Variants in CCDC91 observed in about 807,000 individuals in gnomAD.
CCDC91 encodes coiled-coil domain-containing protein 91.
A neutral mutation model predicts 63.2 loss-of-function variants in CCDC91; 48 were observed. That is an observed-to-expected ratio of 0.76 (90% CI 0.60 to 0.97). The LOEUF is 0.97. Ranked by LOEUF, CCDC91 falls within the 50% of genes least tolerant of loss-of-function variation. CCDC91 has a pLI of 0.00. For synonymous variants in CCDC91, 167 were observed against 165.8 expected (o/e 1.01, Z -0.06); for missense variants, 500 against 494.6 (o/e 1.01, Z -0.10).
At chr12:28,296,675 G>A (rs1380278931) in intron 3 of CCDC91, among the ~76,000 whole-genome samples, 2 of 151,712 alleles carry the variant, frequency 1.3e-5, no homozygotes, top group African/African-American at 4.8e-5. Context: ...GTCATTTCCT[G>A]TGAGTAACCC....
At chr12:28,375,141 T>A (rs570698362) in intron 7 of CCDC91, among the ~76,000 whole-genome samples, 10 of 150,534 alleles carry the variant, frequency 6.6e-5, no homozygotes, top group African/African-American at 1.4e-4. Flanking sequence ...TTTTTTTTTT[T>A]AAACTATTTT....
rs556829722 is a variant in CCDC91, at chr12:28,307,589, A to T, written c.472-56A>T. 4.4e-6 allele frequency: 4 copies of T among 914,394 alleles called. No homozygotes were observed. The Admixed American group carries it at 1.1e-4, about 24-fold the overall frequency. 56.6% of individuals were successfully genotyped at this position (914,394 alleles called of 1,614,324 possible). On this transcript the variant is annotated intron_variant, in intron 5 of 12. Coordinates refer to ENST00000536442, the MANE Select transcript of CCDC91 (RefSeq NM_018318.5). ...TTCTGACATGTTCATTGAAAAAACT[A>T]ATTATATTTTATGCCATTAAATATT... is the stretch of plus-strand genomic sequence containing the variant.
intron 6 of CCDC91, among the ~76,000 whole-genome samples, chr12:28,327,558 A>G (rs769961749): frequency 5.3e-5 from 8 of 152,150 alleles, no homozygotes; most frequent in Admixed American, 3.3e-4. Flanking sequence ...CTAGCAGTCT[A>G]TAAAAGCCCA....
At chr12:28,476,979 T>C (rs1283735744) in intron 11 of CCDC91, among the ~76,000 whole-genome samples, 2 of 151,932 alleles carry the variant, frequency 1.3e-5, no homozygotes, top group African/African-American at 2.4e-5. Context: ...CAATAATAAT[T>C]AATAGCTTAC....
At chr12:28,492,410 T>C (rs1952062221) in intron 12 of CCDC91, among the ~76,000 whole-genome samples, 1 of 151,734 alleles carries the variant, frequency 6.6e-6, no homozygotes, top group Non-Finnish European at 1.5e-5. Context: ...TAATCTATAA[T>C]CACTTGCATG....
chr12:28,543,365 C>T (rs1942767440), intron 12 of CCDC91, among the ~76,000 whole-genome samples: 1 of 152,056 alleles, frequency 6.6e-6, no homozygotes. Flanking sequence ...CATGTGCTAG[C>T]AAGCTTGTGC....
chr12:28,484,261 C>T (rs1028564088), intron 12 of CCDC91, 96 bp downstream of exon 12: 8 of 577,184 alleles, frequency 1.4e-5, no homozygotes, highest in Middle Eastern at 9.5e-4. Context: ...TTAAAATGTC[C>T]TGTGTCATCT....
intron 3 of CCDC91, among the ~76,000 whole-genome samples, chr12:28,265,837 G>A (rs896896590): frequency 2.0e-5 from 3 of 152,046 alleles, no homozygotes; most frequent in African/African-American, 7.2e-5. Context: ...AGTCACATAT[G>A]TGCATTATGG....
At chr12:28,259,545 A>T in intron 3 of CCDC91, 103 bp downstream of exon 3, 3 of 695,382 alleles carry the variant, frequency 4.3e-6, no homozygotes, top group Admixed American at 2.7e-5. Context: ...CTTGTCCTTC[A>T]CTGATCTGAA....
intron 11 of CCDC91, among the ~76,000 whole-genome samples, chr12:28,462,038 T>G (rs1289382674): frequency 6.6e-6 from 1 of 151,970 alleles, no homozygotes; most frequent in African/African-American, 2.4e-5. Context: ...AACGAATTCA[T>G]AAGGATGCTG....
chr12:28,235,126 T>A (rs1403978241), intron 1 of CCDC91, among the ~76,000 whole-genome samples: 1 of 152,134 alleles, frequency 6.6e-6, no homozygotes, highest in Non-Finnish European at 1.5e-5. Flanking sequence ...TCTCCAGAGT[T>A]AAGTATTCAT....
intron 12 of CCDC91, among the ~76,000 whole-genome samples, chr12:28,491,989 G>A (rs1468320858): frequency 6.6e-6 from 1 of 150,938 alleles, no homozygotes; most frequent in Non-Finnish European, 1.5e-5. Context: ...GTGTCTGTTT[G>A]AAGGACCTCT....
intron 6 of CCDC91, among the ~76,000 whole-genome samples, chr12:28,328,325 T>C (rs888554620): frequency 2.0e-5 from 3 of 152,180 alleles, no homozygotes; most frequent in African/African-American, 7.2e-5. Flanking sequence ...CACAAAAGTT[T>C]TGGATGTCTT....
At chr12:28,304,442 G>T (rs1017093796) in intron 3 of CCDC91, among the ~76,000 whole-genome samples, 2 of 142,144 alleles carry the variant, frequency 1.4e-5, no homozygotes, top group African/African-American at 5.2e-5. Context: ...TATGGGTGAA[G>T]CTAGACTATA....
At chr12:28,272,698 T>C (rs1592164732) in intron 3 of CCDC91, among the ~76,000 whole-genome samples, 1 of 152,052 alleles carries the variant, frequency 6.6e-6, no homozygotes, top group East Asian at 1.9e-4. Context: ...TATGGGGACC[T>C]TATGTGCTAG....
chr12:28,540,503 A>G (rs1942551162), intron 12 of CCDC91, among the ~76,000 whole-genome samples: 1 of 152,180 alleles, frequency 6.6e-6, no homozygotes, highest in South Asian at 2.1e-4. Context: ...GCCTCTAGCC[A>G]TAACTGAAGT....
intron 12 of CCDC91, among the ~76,000 whole-genome samples, chr12:28,533,646 A>G (rs1260156458): frequency 6.6e-6 from 1 of 152,080 alleles, no homozygotes; most frequent in Non-Finnish European, 1.5e-5. Flanking sequence ...ATTTAAAAGT[A>G]TGTAGTTCTC....
At chr12:28,449,524 C>T (rs1949696246) in intron 8 of CCDC91, among the ~76,000 whole-genome samples, 1 of 151,958 alleles carries the variant, frequency 6.6e-6, no homozygotes. Context: ...AGTGCTTGGT[C>T]CATGGTAACT....
intron 3 of CCDC91, 23 bp downstream of exon 3, chr12:28,259,465 GTTTTTTT>G: frequency 1.3e-5 from 15 of 1,145,022 alleles, no homozygotes; most frequent in Non-Finnish European, 1.7e-5. Context: ...AGGAATTAGG[GTTTTTTT>G]TTTTTTTTTT....
Sources: gnomAD v4.1 joint callset for allele counts (sites outside exome capture counted in the v4.1 genomes callset) on GRCh38, gnomAD v4.1.1 for gene constraint, MANE v1.5 for transcripts, NCBI Gene and HGNC (gene_info 2026-07-23, HGNC 2026-07-21) for gene names.